Variants in IQCJ observed in about 807,000 individuals in gnomAD.
IQCJ encodes IQ motif containing J, also known as IQ domain-containing protein J.
In IQCJ, 9 loss-of-function variants were observed where a neutral mutation model predicts 11.0. The ratio of observed to expected loss-of-function variants is 0.82; its 90% confidence interval spans 0.49 to 1.43. The LOEUF (loss-of-function observed/expected upper bound fraction) is 1.43, where lower values mean the gene tolerates loss of function less well. Among genes scored for constraint, IQCJ ranks in the 40% most tolerant of loss-of-function variants. The pLI is 0.00. For synonymous variants in IQCJ, 55 were observed against 51.3 expected, an observed-to-expected ratio of 1.07 and a Z score of -0.31; for missense variants, 146 against 133.2, an observed-to-expected ratio of 1.10 and a Z score of -0.47.
chr3:159,183,996 C>T (rs556809227), intron 1 of IQCJ, among the ~76,000 whole-genome samples: 13 of 151,204 alleles, frequency 8.6e-5, no homozygotes, highest in South Asian at 2.1e-4. Flanking sequence ...TAGTTGCCCA[C>T]GCAGCAGCCA....
chr3:159,200,385 G>A (rs1330844936), intron 1 of IQCJ, among the ~76,000 whole-genome samples: 3 of 152,132 alleles, frequency 2.0e-5, no homozygotes, highest in Non-Finnish European at 2.9e-5. Flanking sequence ...AGAGGAAGTG[G>A]AATGGCCTGG....
In IQCJ at chr3:159,176,656, TTTTA is replaced by T. The variant is rs374176278; in HGVS notation, c.10-69183_10-69180del. On this transcript the variant is annotated intron_variant, in intron 1 of 3. Coordinates refer to ENST00000397832, the MANE Select transcript of IQCJ (RefSeq NM_001042706.3). Reference sequence around the variant, plus strand: ...AGGTAAAATTGATTTTAGTAATATATTTTATTTGACACAACATATAAAAAATGCT... The same window carrying T: ...AGGTAAAATTGATTTTAGTAATATATTTTGACACAACATATAAAAAATGCT... 5.8e-4 allele frequency among the ~76,000 whole-genome samples: 88 copies of T among 152,340 alleles called. 1 individual carries two copies. The South Asian group carries it at 0.01, about 18-fold the overall frequency.
At chr3:159,171,191 C>T (rs953305370) in intron 1 of IQCJ, among the ~76,000 whole-genome samples, 1 of 151,970 alleles carries the variant, frequency 6.6e-6, no homozygotes, top group Non-Finnish European at 1.5e-5. Flanking sequence ...AAACAGCACT[C>T]CCCCATGAAA....
rs540613793 is a variant in IQCJ, at chr3:159,090,744, T to G, written c.9+21303T>G. ...GTCTGGGACAGCCAGGCCTCTCCCTTGAAAGGCAGAGCTGGGACTCACAGC... is the reference window on the plus strand; with the variant it reads ...GTCTGGGACAGCCAGGCCTCTCCCTGGAAAGGCAGAGCTGGGACTCACAGC... On this transcript the variant is annotated intron_variant, in intron 1 of 3. Coordinates refer to ENST00000397832, the MANE Select transcript of IQCJ (RefSeq NM_001042706.3). 4.8e-4 allele frequency among the ~76,000 whole-genome samples: 73 copies of G among 151,984 alleles called. 2 individuals carry two copies. The highest frequency in any genetic ancestry group is 1.6e-3 in the African/African-American group (67 of 41,250).
chr3:159,130,846 A>G (rs1334971312), intron 1 of IQCJ, among the ~76,000 whole-genome samples: 1 of 152,156 alleles, frequency 6.6e-6, no homozygotes, highest in Non-Finnish European at 1.5e-5. Flanking sequence ...TTTCTATAGA[A>G]ATATAGTTTT....
chr3:159,230,294 A>G (rs766884367), intron 1 of IQCJ, among the ~76,000 whole-genome samples: 13 of 152,152 alleles, frequency 8.5e-5, no homozygotes, highest in Non-Finnish European at 1.8e-4. Context: ...TCTATCACTG[A>G]TGGGCAGCTA....
chr3:159,172,925 G>A (rs1482165883), intron 1 of IQCJ, among the ~76,000 whole-genome samples: 2 of 152,166 alleles, frequency 1.3e-5, no homozygotes, highest in South Asian at 2.1e-4. Context: ...TTCACCAGAA[G>A]TTTTGAGAGT....
At chr3:159,263,927 G>T (rs960301631), downstream of IQCJ, among the ~76,000 whole-genome samples, 2 of 152,170 alleles carry the variant, frequency 1.3e-5, no homozygotes, top group African/African-American at 4.8e-5. Flanking sequence ...ACTATCACTA[G>T]AGGGCACTCG....
intron 1 of IQCJ, among the ~76,000 whole-genome samples, chr3:159,101,063 G>C (rs1438310421): frequency 7.5e-5 from 6 of 80,516 alleles, no homozygotes; most frequent in Non-Finnish European, 1.5e-4. Context: ...GTGGGATATA[G>C]TCTCGTGGTG....
chr3:159,091,927 T>A (rs1717339826), intron 1 of IQCJ, among the ~76,000 whole-genome samples: 1 of 151,694 alleles, frequency 6.6e-6, no homozygotes, highest in South Asian at 2.1e-4. Context: ...ATAATAGAAT[T>A]AGATAATAAC....
At chr3:159,177,815 G>A (rs1238994508) in intron 1 of IQCJ, among the ~76,000 whole-genome samples, 2 of 152,174 alleles carry the variant, frequency 1.3e-5, no homozygotes, top group Admixed American at 6.5e-5. Context: ...AAAGAGGGGA[G>A]GGAGAAAGTA....
At chr3:159,089,439 T>C (rs1717068884) in intron 1 of IQCJ, among the ~76,000 whole-genome samples, 1 of 152,028 alleles carries the variant, frequency 6.6e-6, no homozygotes, top group Non-Finnish European at 1.5e-5. Context: ...TGGTGTTCTC[T>C]GTATTTCCTG....
intron 1 of IQCJ, among the ~76,000 whole-genome samples, chr3:159,145,680 C>T (rs1267466888): frequency 6.6e-6 from 1 of 151,720 alleles, no homozygotes; most frequent in Non-Finnish European, 1.5e-5. Context: ...TTTTTCATCT[C>T]TCCAACTTTC....
chr3:159,161,785 G>T (rs1185732962), intron 1 of IQCJ, among the ~76,000 whole-genome samples: 3 of 152,150 alleles, frequency 2.0e-5, no homozygotes, highest in African/African-American at 7.2e-5. Flanking sequence ...TATTAAATAG[G>T]GAATCCTTTC....
intron 1 of IQCJ, among the ~76,000 whole-genome samples, chr3:159,200,539 G>T (rs543125534): frequency 6.6e-6 from 1 of 152,210 alleles, no homozygotes; most frequent in African/African-American, 2.4e-5. Flanking sequence ...CAGAATTAAC[G>T]GGAAGCCTGG....
At chr3:159,103,373 A>T (rs542124359) in intron 1 of IQCJ, among the ~76,000 whole-genome samples, 1 of 152,232 alleles carries the variant, frequency 6.6e-6, no homozygotes, top group East Asian at 1.9e-4. Flanking sequence ...CTGTCATATG[A>T]TTTGATAGAC....
intron 1 of IQCJ, among the ~76,000 whole-genome samples, chr3:159,240,856 G>C (rs975672307): frequency 8.5e-5 from 13 of 152,124 alleles, no homozygotes; most frequent in African/African-American, 1.9e-4. Context: ...GCCTCCCAAA[G>C]TGTTGGGATT....
At chr3:159,069,468 C>T (rs750669096) in intron 1 of IQCJ, 27 bp downstream of exon 1, 1 of 1,606,194 alleles carries the variant, frequency 6.2e-7, no homozygotes, top group African/African-American at 1.3e-5. Flanking sequence ...TCTAAACGTG[C>T]CACTTTGATG....
intron 1 of IQCJ, among the ~76,000 whole-genome samples, chr3:159,190,887 G>T (rs770104474): frequency 6.6e-6 from 1 of 152,184 alleles, no homozygotes; most frequent in Non-Finnish European, 1.5e-5. Flanking sequence ...GGCTCAAAAG[G>T]TGTTCTTGTA....
Sources: allele counts gnomAD v4.1 joint callset (sites outside exome capture counted in the v4.1 genomes callset), GRCh38; gene constraint gnomAD v4.1.1; transcripts MANE v1.5; gene names NCBI Gene and HGNC (gene_info 2026-07-23, HGNC 2026-07-21).